The following ATP7B variants were observed in gnomAD, a reference collection of about 807,000 sequenced individuals.
ATP7B encodes the protein ATPase copper transporting beta, also known as copper-transporting ATPase 2.
ATP7B carries 113 observed loss-of-function variants against 118.9 expected under a neutral mutation model. The observed-to-expected ratio is 0.95, with a 90% confidence interval of 0.82 to 1.11. The LOEUF is 1.11. Among genes scored for constraint, ATP7B ranks in the 50% most tolerant of loss-of-function variants. The pLI is 0.00. For synonymous variants in ATP7B, 777 were observed against 727.4 expected, an observed-to-expected ratio of 1.07 and a Z score of -1.10; for missense variants, 1,867 against 1,871.4, an observed-to-expected ratio of 1.00 and a Z score of 0.04.
At chr13:51,946,682 C>T in intron 12 of ATP7B, 2 of 649,986 alleles carry the variant, frequency 3.1e-6, no homozygotes, top group Non-Finnish European at 5.4e-6. Context: ...CTTCATCCTA[C>T]AGGTTTCCCT....
intron 1 of ATP7B, among the ~76,000 whole-genome samples, chr13:51,992,864 G>C (rs1266809469): frequency 6.7e-6 from 1 of 150,204 alleles, no homozygotes; most frequent in Non-Finnish European, 1.5e-5. Context: ...TGTAGTCCCA[G>C]CTACTCTGGA....
chr13:51,964,195 T>C (rs1958943532), intron 5 of ATP7B, among the ~76,000 whole-genome samples: 2 of 152,204 alleles, frequency 1.3e-5, no homozygotes, highest in South Asian at 4.1e-4. Flanking sequence ...CTTCATTTCA[T>C]AAGCGATTTT....
chr13:51,940,542 G>A (rs1277713811), intron 16 of ATP7B, among the ~76,000 whole-genome samples: 2 of 151,880 alleles, frequency 1.3e-5, no homozygotes. Flanking sequence ...CTACTCAGGA[G>A]TCTGAGGCAG....
intron 1 of ATP7B, among the ~76,000 whole-genome samples, chr13:51,993,504 T>TA (rs1484602581): frequency 1.1e-4 from 17 of 152,018 alleles, no homozygotes; most frequent in Admixed American, 6.6e-5. Context: ...TCGAGGGTGC[T>TA]ATGAGCCATG....
At chr13:51,986,136 T>C (rs1286790246) in intron 1 of ATP7B, among the ~76,000 whole-genome samples, 1 of 152,142 alleles carries the variant, frequency 6.6e-6, no homozygotes, top group Non-Finnish European at 1.5e-5. Flanking sequence ...GCTGGTTTTT[T>C]GAAAAGATCA....
At chr13:51,989,890 AT>A in intron 1 of ATP7B, among the ~76,000 whole-genome samples, 1 of 151,740 alleles carries the variant, frequency 6.6e-6, no homozygotes. Flanking sequence ...TTATTTATTT[AT>A]TTTTTTTACT....
At chr13:51,936,308 T>G (rs1956957481) in intron 19 of ATP7B, among the ~76,000 whole-genome samples, 1 of 152,084 alleles carries the variant, frequency 6.6e-6, no homozygotes, top group Non-Finnish European at 1.5e-5. Context: ...GCCAAGGCCC[T>G]GTTACACAAG....
intron 1 of ATP7B, among the ~76,000 whole-genome samples, chr13:51,996,088 A>G (rs544405148): frequency 9.2e-5 from 14 of 152,326 alleles, no homozygotes; most frequent in Non-Finnish European, 2.9e-5. Flanking sequence ...AGCGTGCAGA[A>G]TACTTGGTGA....
chr13:51,977,947 C>T (rs2140170355), intron 1 of ATP7B, among the ~76,000 whole-genome samples: 1 of 152,282 alleles, frequency 6.6e-6, no homozygotes, highest in South Asian at 2.1e-4. Context: ...TGACTAGCCA[C>T]CTCGGACACC....
chr13:51,949,514 C>G lies in ATP7B; in HGVS notation c.2865+148G>C, dbSNP rs1043720009. 8.3e-5 allele frequency: 95 copies of G among 1,145,076 alleles called. No homozygotes were observed. The African/African-American group carries it at 1.4e-3, about 17-fold the overall frequency. 70.9% of individuals were successfully genotyped at this position (1,145,076 alleles called of 1,614,324 possible). A position where few individuals can be genotyped will look rare whatever the true frequency, so the allele number is the denominator to read the frequency against. ...AGAGTGACTGTTTATCCTACTCTGG[C>G]TTAGATTTTGCTGTCAATAAGAGAA... On this transcript the variant is annotated intron_variant, in intron 12 of 20. Transcript: ENST00000242839.
Position 51,934,758 on chromosome 13 carries a change from A to G in ATP7B, c.4396T>C (p.Ter1466ArgextTer1). The change falls in exon 21 of 21, where the codon TGA becomes CGA. Residue 1466 changes from the stop codon to arginine, a stop_lost. Transcript: ENST00000242839. ...LNGRDEEQYI[*>R] The stretch of plus-strand genomic sequence containing the variant: ...CCCGGCCCGCCTGCCTGAAGTCATC[A>G]GATGTACTGCTCCTCATCCCTGCCA... 1.2e-6 allele frequency: 2 copies of G among 1,613,612 alleles called. No individual in the cohort carries two copies. The highest frequency in any genetic ancestry group is 1.1e-5 in the South Asian group (1 of 91,070).
At chr13:52,003,639 T>C (rs1278704277) in intron 1 of ATP7B, among the ~76,000 whole-genome samples, 2 of 131,362 alleles carry the variant, frequency 1.5e-5, no homozygotes, top group African/African-American at 5.2e-5. Context: ...AAAAAAAAAA[T>C]ACAGCATCTG....
intron 1 of ATP7B, among the ~76,000 whole-genome samples, chr13:51,992,367 G>T (rs1030471759): frequency 6.6e-6 from 1 of 152,222 alleles, no homozygotes; most frequent in South Asian, 2.1e-4. Flanking sequence ...GTCATCAGAC[G>T]GACCTGGGAT....
chr13:52,011,380 GC>G lies in ATP7B; in HGVS notation c.-44del, dbSNP rs771324130. 1.2e-5 allele frequency: 19 copies of G among 1,613,680 alleles called. No individual in the cohort carries two copies. The highest frequency in any genetic ancestry group is 1.5e-5 in the Non-Finnish European group (18 of 1,179,668). On this transcript the variant is annotated 5_prime_UTR_variant, in exon 1 of 21. Transcript: ENST00000242839. Reference sequence around the variant, plus strand: ...GAATTCTTCTCTGATCTGGCTCAGAGCAAAAGGTCACCTGGTCGGTGGAGGA... The same window carrying G: ...GAATTCTTCTCTGATCTGGCTCAGAGAAAAGGTCACCTGGTCGGTGGAGGA...
intron 5 of ATP7B, among the ~76,000 whole-genome samples, chr13:51,962,929 T>C (rs1958845916): frequency 6.6e-6 from 1 of 151,680 alleles, no homozygotes; most frequent in Non-Finnish European, 1.5e-5. Context: ...CCATCTCTAC[T>C]AAAAATACAA....
intron 16 of ATP7B, 41 bp downstream of exon 16, chr13:51,941,040 T>C: frequency 6.2e-7 from 1 of 1,613,446 alleles, no homozygotes; most frequent in Non-Finnish European, 8.5e-7. Context: ...CAGAAAACTG[T>C]ATTTCTGAGA....
At chr13:52,000,120 A>G (rs1593864877) in intron 1 of ATP7B, among the ~76,000 whole-genome samples, 1 of 151,956 alleles carries the variant, frequency 6.6e-6, no homozygotes, top group East Asian at 1.9e-4. Flanking sequence ...TTCCTTGTAC[A>G]CTCATCCAGG....
chr13:51,987,054 G>A (rs1952685919), intron 1 of ATP7B, among the ~76,000 whole-genome samples: 2 of 152,148 alleles, frequency 1.3e-5, no homozygotes, highest in Admixed American at 6.5e-5. Context: ...ACACAGTATT[G>A]GAAGTTCTGG....
intron 2 of ATP7B, 44 bp downstream of exon 2, chr13:51,973,891 G>C: frequency 6.2e-7 from 1 of 1,613,642 alleles, no homozygotes; most frequent in Non-Finnish European, 8.5e-7. Flanking sequence ...GACACAAAGA[G>C]AAAAGGAGAC....
Sources: allele counts gnomAD v4.1 joint callset (sites outside exome capture counted in the v4.1 genomes callset), GRCh38; gene constraint gnomAD v4.1.1; transcripts MANE v1.5; gene names NCBI Gene and HGNC (gene_info 2026-07-23, HGNC 2026-07-21).